SPTBN1: variants seen among roughly 807,000 people sequenced by gnomAD.
SPTBN1 encodes spectrin beta, non-erythrocytic 1.
Under a neutral mutation model 266.4 loss-of-function variants are expected in SPTBN1, and 32 were observed. The ratio of observed to expected loss-of-function variants is 0.12; its 90% CI spans 0.09 to 0.16. The LOEUF (loss-of-function observed/expected upper bound fraction) is 0.16. SPTBN1 is among the 10% of genes least tolerant of loss of function. SPTBN1 has a pLI of 1.00. For missense variants in SPTBN1, 2,296 were observed against 3,067.1 expected (o/e 0.75, Z 5.94); for synonymous variants, 1,336 against 1,162.2 (o/e 1.15, Z -3.04).
intron 1 of SPTBN1, among the ~76,000 whole-genome samples, chr2:54,487,436 T>A (rs529390202): frequency 6.6e-6 from 1 of 152,310 alleles, no homozygotes; most frequent in East Asian, 1.9e-4. Context: ...CAGTGCAGAG[T>A]AATGATGATT....
chr2:54,489,719 C>T (rs138870941), intron 1 of SPTBN1, among the ~76,000 whole-genome samples: 3,033 of 152,228 alleles, frequency 0.02, 43 homozygotes, highest in Middle Eastern at 0.092. Context: ...ACCCAAAAAT[C>T]ACAATTCTGA....
intron 1 of SPTBN1, among the ~76,000 whole-genome samples, chr2:54,517,028 T>C (rs957500169): frequency 6.6e-6 from 1 of 152,198 alleles, no homozygotes; most frequent in Non-Finnish European, 1.5e-5. Flanking sequence ...GACCTAGGTT[T>C]TATCATGCAG....
intron 2 of SPTBN1, among the ~76,000 whole-genome samples, chr2:54,590,053 C>A (rs1331686239): frequency 6.6e-6 from 1 of 152,324 alleles, no homozygotes; most frequent in East Asian, 1.9e-4. Context: ...CCTAATCACA[C>A]CGTTGTGTAT....
At chr2:54,569,421 A>G (rs1000701529) in intron 2 of SPTBN1, among the ~76,000 whole-genome samples, 7 of 152,248 alleles carry the variant, frequency 4.6e-5, no homozygotes, top group Admixed American at 1.3e-4. Flanking sequence ...GAAAAGAAAG[A>G]AAAGTGAAAG....
chr2:54,552,068 G>A (rs571039157), intron 2 of SPTBN1, among the ~76,000 whole-genome samples: 1 of 152,236 alleles, frequency 6.6e-6, no homozygotes, highest in East Asian at 1.9e-4. Flanking sequence ...CCAGAGGGAG[G>A]ACTGGTCCTG....
chr2:54,561,097 C>A (rs1201399531), intron 2 of SPTBN1, among the ~76,000 whole-genome samples: 2 of 152,202 alleles, frequency 1.3e-5, no homozygotes, highest in Non-Finnish European at 2.9e-5. Flanking sequence ...TTTCCTAGCA[C>A]ATAATCTCTG....
Position 54,500,762 on chromosome 2 carries a change from TC to T in SPTBN1, c.-47-25608del, listed in dbSNP as rs199593670. On this transcript the variant is annotated intron_variant, in intron 1 of 35. Coordinates refer to ENST00000356805, the MANE Select transcript of SPTBN1 (RefSeq NM_003128.3). ...CATGTTGCCCAAGGTGGTCTCAAAC[TC>T]CTAGCCTCAAGGGATCTGCCTGCCT... Among the ~76,000 whole-genome samples, 107 of 152,288 alleles carry T rather than the reference TC, an allele frequency of 7.0e-4. 1 individual carries two copies. The East Asian group carries it at 0.018, about 26-fold the overall frequency.
intron 2 of SPTBN1, among the ~76,000 whole-genome samples, chr2:54,561,549 C>T (rs1321759942): frequency 6.6e-6 from 1 of 152,062 alleles, no homozygotes; most frequent in Non-Finnish European, 1.5e-5. Flanking sequence ...TTACTTTCCA[C>T]ACTGGGTCCT....
In SPTBN1 at chr2:54,602,729, G is replaced by A. The variant is rs78686056; in HGVS notation, c.300+3486G>A. Among the ~76,000 whole-genome samples the A allele has an allele frequency of 2.5e-3, 387 of 152,296 alleles. 1 individual carries two copies. The highest frequency in any genetic ancestry group is 4.0e-3 in the Non-Finnish European group (275 of 68,020). The stretch of plus-strand genomic sequence containing the variant: ...GCAACAGAAAAGAGTGTGTGTGTGC[G>A]TGCATGTGTGTGTGTTTGTGTATGT... On this transcript the variant is annotated intron_variant, in intron 3 of 35. Coordinates refer to ENST00000356805, the MANE Select transcript of SPTBN1 (RefSeq NM_003128.3).
rs776788600 is a variant in SPTBN1, at chr2:54,628,713, C to T, written c.1799-220C>T. ...TGCAGGAGGATGATCACTTTGTCTG[C>T]GGTTTGGCCAAAAAAAAATAATGTT... is the stretch of plus-strand genomic sequence containing the variant. On this transcript the variant is annotated intron_variant, in intron 13 of 35. Transcript: ENST00000356805. The surrounding 1 kb of genome is among the most constrained non-coding windows in gnomAD (Gnocchi z 4.3). Among the ~76,000 whole-genome samples the T allele has an allele frequency of 1.6e-4, 24 of 152,184 alleles. No homozygotes were observed. The highest frequency in any genetic ancestry group is 5.3e-4 in the African/African-American group (22 of 41,524).
At chr2:54,538,711 A>C (rs1162678061) in intron 2 of SPTBN1, among the ~76,000 whole-genome samples, 1 of 152,170 alleles carries the variant, frequency 6.6e-6, no homozygotes, top group Non-Finnish European at 1.5e-5. Flanking sequence ...ACTGATGGGT[A>C]CCTGTTATTG....
intron 2 of SPTBN1, among the ~76,000 whole-genome samples, chr2:54,569,971 TC>T (rs372014140): frequency 0.038 from 5,386 of 141,276 alleles, 348 homozygotes; most frequent in African/African-American, 0.13. Flanking sequence ...CTGAAACCAT[TC>T]CCCCCCCCCT....
At position 54,668,909 on chromosome 2, in the gene SPTBN1, TAATC is replaced by T. The variant is rs561583220; in HGVS notation, c.*344_*347del. 1,473 of 279,146 alleles carry T rather than the reference TAATC, an allele frequency of 5.3e-3. 29 individuals carry two copies. The highest frequency in any genetic ancestry group is 0.031 in the African/African-American group (1,381 of 44,342). The allele number at this position is 279,146 out of a possible 1,614,324, so 17.3% of individuals were successfully genotyped here. On this transcript the variant is annotated 3_prime_UTR_variant, in exon 36 of 36. Transcript: ENST00000356805. Reference sequence around the variant, plus strand: ...TGTTGGTATGCAAGGCAGCGGTGCTTAATCAATATTTCCTGTGCTCACCAGAGGC... The same window carrying T: ...TGTTGGTATGCAAGGCAGCGGTGCTTAATATTTCCTGTGCTCACCAGAGGC...
rs5831316 is a variant in SPTBN1 at position 54,668,788 on chromosome 2, ATT to A, written c.*228_*229del. ...GTTTGAGGTGCAGAGGGAAGGCCAG[ATT>A]TTTTTTTTAATGAAATTATATAGAT... On this transcript the variant is annotated 3_prime_UTR_variant, in exon 36 of 36. Coordinates refer to ENST00000356805, the MANE Select transcript of SPTBN1 (RefSeq NM_003128.3). 2.8e-5 allele frequency: 12 copies of A among 435,112 alleles called. No individual in the cohort carries two copies. The highest frequency in any genetic ancestry group is 3.8e-5 in the Non-Finnish European group (9 of 238,772). The allele number at this position is 435,112 out of a possible 1,614,324, so 27.0% of individuals were successfully genotyped here.
In SPTBN1 at chr2:54,558,253, C is replaced by A. The variant is rs1049262672; in HGVS notation, c.148+31687C>A. 4.1e-6 allele frequency: 4 copies of A among 985,176 alleles called. No individual in the cohort carries two copies. In the African/African-American group the frequency reaches 7.0e-5, roughly 17 times the overall value. The allele number at this position is 985,176 out of a possible 1,614,324, so 61.0% of individuals were successfully genotyped here. On this transcript the variant is annotated intron_variant, in intron 2 of 35. Coordinates refer to ENST00000356805, the MANE Select transcript of SPTBN1 (RefSeq NM_003128.3). The surrounding 1 kb of genome is among the most constrained non-coding windows in gnomAD (Gnocchi z 4.6). The stretch of plus-strand genomic sequence containing the variant: ...TAGGGGGTCGCGGGCCGGCTAGGCT[C>A]CCCCGCGCCCCTCCTCGTGGTATAG...
intron 2 of SPTBN1, among the ~76,000 whole-genome samples, chr2:54,597,011 T>A (rs541172861): frequency 6.6e-6 from 1 of 152,328 alleles, no homozygotes; most frequent in South Asian, 2.1e-4. Flanking sequence ...GAGTGACAAT[T>A]GGCTGAGGAA....
intron 2 of SPTBN1, among the ~76,000 whole-genome samples, chr2:54,590,810 T>G (rs933097333): frequency 6.6e-6 from 1 of 152,206 alleles, no homozygotes; most frequent in Non-Finnish European, 1.5e-5. Context: ...GAGAGCCCGT[T>G]TGGGACCTTT....
At chr2:54,583,497 G>A (rs551257160) in intron 2 of SPTBN1, among the ~76,000 whole-genome samples, 199 of 152,226 alleles carry the variant, frequency 1.3e-3, no homozygotes, top group Non-Finnish European at 2.3e-3. Flanking sequence ...CCTGGGCTTT[G>A]CTCTTTCTGC....
At chr2:54,522,891 T>G (rs1670571682) in intron 1 of SPTBN1, among the ~76,000 whole-genome samples, 1 of 151,936 alleles carries the variant, frequency 6.6e-6, no homozygotes, top group African/African-American at 2.4e-5. Flanking sequence ...GGTCAGCAGG[T>G]GGCACCAAAT....
Sources: gnomAD v4.1 joint callset for allele counts (sites outside exome capture counted in the v4.1 genomes callset) on GRCh38, gnomAD v4.1.1 for gene constraint, Gnocchi (gnomAD v3.1) non-coding constraint, MANE v1.5 for transcripts, NCBI Gene and HGNC (gene_info 2026-07-23, HGNC 2026-07-21) for gene names.